Variants in PRELID2 observed in about 807,000 individuals in gnomAD.
PRELID2 encodes PRELI domain-containing protein 2.
In PRELID2, 25 loss-of-function variants were observed where a neutral mutation model predicts 28.4. The ratio of observed to expected loss-of-function variants is 0.88; its 90% CI spans 0.64 to 1.23. The LOEUF is 1.23. Among genes scored for constraint, PRELID2 ranks in the 50% most tolerant of loss-of-function variants. The probability of loss-of-function intolerance (pLI) is 0.00; values close to 1 mark genes in which losing one functional copy is unlikely to be tolerated. For synonymous variants in PRELID2, 76 were observed against 71.6 expected, an observed-to-expected ratio of 1.06 and a Z score of -0.31; for missense variants, 201 against 214.4, an observed-to-expected ratio of 0.94 and a Z score of 0.39.
the PRELID2 span, among the ~76,000 whole-genome samples, chr5:145,459,377 T>A: frequency 6.6e-5 from 10 of 152,180 alleles, no homozygotes; most frequent in Non-Finnish European, 1.5e-4. Context: ...CAATTGCCTT[T>A]TTTATTTTCA....
chr5:145,683,741 A>G (rs1225809124), intron 1 of PRELID2, among the ~76,000 whole-genome samples: 2 of 152,128 alleles, frequency 1.3e-5, no homozygotes, highest in South Asian at 2.1e-4. Context: ...GCTTCAACAC[A>G]TGAATTGTAG....
chr5:145,662,409 C>A (rs961333880), intron 1 of PRELID2, among the ~76,000 whole-genome samples: 2 of 152,120 alleles, frequency 1.3e-5, no homozygotes, highest in African/African-American at 4.8e-5. Context: ...ATCCTTAAGT[C>A]TCCTGTTCAG....
intron 1 of PRELID2, among the ~76,000 whole-genome samples, chr5:145,501,604 C>T (rs977133356): frequency 6.6e-6 from 1 of 152,162 alleles, no homozygotes; most frequent in African/African-American, 2.4e-5. Flanking sequence ...CTTGCTGCCT[C>T]CAGGTATGAA....
At chr5:145,616,534 C>G (rs1425798889) in intron 1 of PRELID2, among the ~76,000 whole-genome samples, 1 of 152,006 alleles carries the variant, frequency 6.6e-6, no homozygotes, top group Non-Finnish European at 1.5e-5. Context: ...GCTGGGTGTC[C>G]AGGGGAGACA....
intron 5 of PRELID2, among the ~76,000 whole-genome samples, chr5:145,784,859 G>A (rs901024923): frequency 1.2e-4 from 18 of 149,754 alleles, no homozygotes; most frequent in East Asian, 9.8e-4. Flanking sequence ...AAAGATCTAC[G>A]TCAAAATGTT....
chr5:145,268,436 A>C, the PRELID2 span, among the ~76,000 whole-genome samples: 24 of 152,012 alleles, frequency 1.6e-4, no homozygotes, highest in Non-Finnish European at 3.1e-4. Context: ...CTTTGTTGAA[A>C]ATGAGTTCAT....
At chr5:145,395,375 C>T in the PRELID2 span, among the ~76,000 whole-genome samples, 4 of 152,052 alleles carry the variant, frequency 2.6e-5, no homozygotes, top group Admixed American at 6.6e-5. Context: ...CTGGTGCTAC[C>T]GAGAATAGTG....
intron 1 of PRELID2, among the ~76,000 whole-genome samples, chr5:145,715,344 C>G (rs1281237215): frequency 6.6e-6 from 1 of 152,092 alleles, no homozygotes. Context: ...TGAATCCCAA[C>G]AGCCATTTCT....
chr5:145,308,904 G>A, the PRELID2 span, among the ~76,000 whole-genome samples: 1 of 152,146 alleles, frequency 6.6e-6, no homozygotes, highest in African/African-American at 2.4e-5. Context: ...TTAATGGGCA[G>A]AGCAGACATT....
At chr5:145,297,928 C>T in the PRELID2 span, among the ~76,000 whole-genome samples, 1 of 152,090 alleles carries the variant, frequency 6.6e-6, no homozygotes, top group Non-Finnish European at 1.5e-5. Flanking sequence ...TGAAGGACCT[C>T]TTTAAGGAGA....
chr5:145,419,912 G>A, the PRELID2 span, among the ~76,000 whole-genome samples: 1 of 151,884 alleles, frequency 6.6e-6, no homozygotes, highest in Non-Finnish European at 1.5e-5. Context: ...TTTGTATAAG[G>A]TGTAAGGAAG....
chr5:145,487,066 T>C (rs1257943689), intron 1 of PRELID2, among the ~76,000 whole-genome samples: 1 of 119,850 alleles, frequency 8.3e-6, no homozygotes, highest in Admixed American at 1.0e-4. Context: ...ACAGGAAGGG[T>C]AATATCACAC....
At chr5:145,776,484 A>G (rs1175081511) in intron 5 of PRELID2, among the ~76,000 whole-genome samples, 2 of 152,144 alleles carry the variant, frequency 1.3e-5, no homozygotes, top group Non-Finnish European at 2.9e-5. Context: ...AAAAAAAATC[A>G]TATGCTGAGG....
chr5:145,648,909 A>G (rs531666743), intron 1 of PRELID2, among the ~76,000 whole-genome samples: 5 of 151,934 alleles, frequency 3.3e-5, no homozygotes, highest in Non-Finnish European at 2.9e-5. Flanking sequence ...CAATGGTTCA[A>G]TTTCTGATTT....
chr5:145,829,113 C>T (rs1414887950), intron 1 of PRELID2, among the ~76,000 whole-genome samples: 3 of 151,880 alleles, frequency 2.0e-5, no homozygotes, highest in Admixed American at 6.6e-5. Context: ...GTTGCCCAGG[C>T]TGGTCTTGAA....
chr5:145,254,882 T>C, the PRELID2 span, among the ~76,000 whole-genome samples: 2 of 150,970 alleles, frequency 1.3e-5, no homozygotes, highest in Non-Finnish European at 2.9e-5. Context: ...AAATGAGACA[T>C]TCCTCCTAGG....
At chr5:145,601,544 C>T (rs1304844016) in intron 1 of PRELID2, among the ~76,000 whole-genome samples, 1 of 152,166 alleles carries the variant, frequency 6.6e-6, no homozygotes, top group African/African-American at 2.4e-5. Context: ...CTGAAAACAA[C>T]TGAAACATTT....
At chr5:145,524,304 C>G (rs944918126) in intron 1 of PRELID2, among the ~76,000 whole-genome samples, 1 of 152,204 alleles carries the variant, frequency 6.6e-6, no homozygotes, top group African/African-American at 2.4e-5. Flanking sequence ...GCAGCCATCC[C>G]TTCTCATTAG....
chr5:145,781,009 C>G (rs1264385223), intron 5 of PRELID2, among the ~76,000 whole-genome samples: 1 of 152,114 alleles, frequency 6.6e-6, no homozygotes, highest in Non-Finnish European at 1.5e-5. Flanking sequence ...CCAACAAATC[C>G]CGCTTCACTA....
Sources: gnomAD v4.1 joint callset for allele counts (sites outside exome capture counted in the v4.1 genomes callset) on GRCh38, gnomAD v4.1.1 for gene constraint, MANE v1.5 for transcripts, NCBI Gene and HGNC (gene_info 2026-07-23, HGNC 2026-07-21) for gene names.